MTG2: variants seen among roughly 807,000 people sequenced by gnomAD.
MTG2 encodes mitochondrial ribosome associated GTPase 2, also known as mitochondrial ribosome-associated GTPase 2.
MTG2 carries 23 observed loss-of-function variants against 28.6 expected under a neutral mutation model. That is an observed-to-expected ratio of 0.80 (90% CI 0.58 to 1.14). The LOEUF (loss-of-function observed/expected upper bound fraction) is 1.14. Among genes scored for constraint, MTG2 ranks in the 50% most tolerant of loss-of-function variants. The pLI is 0.00. For synonymous variants in MTG2, 260 were observed against 251.8 expected (o/e 1.03, Z -0.31); for missense variants, 539 against 552.0 (o/e 0.98, Z 0.24).
At chr20:62,193,013 C>T (rs1298464830) in intron 1 of MTG2, among the ~76,000 whole-genome samples, 1 of 152,230 alleles carries the variant, frequency 6.6e-6, no homozygotes, top group Non-Finnish European at 1.5e-5. Flanking sequence ...AATGTAACAA[C>T]TTTAAAATTA....
chr20:62,198,358 C>G (rs1019483353), intron 4 of MTG2: 12 of 557,680 alleles, frequency 2.2e-5, no homozygotes, highest in Admixed American at 1.8e-4. Context: ...GATGTTTTTT[C>G]TGGTGCTTCA....
intron 6 of MTG2, 30 bp downstream of exon 6, chr20:62,199,287 A>G: frequency 1.9e-6 from 3 of 1,596,420 alleles, no homozygotes; most frequent in Non-Finnish European, 2.6e-6. Context: ...CCCAAAGGTT[A>G]GATTTAAATG....
intron 1 of MTG2, among the ~76,000 whole-genome samples, chr20:62,187,264 T>C (rs2057867723): frequency 6.6e-6 from 1 of 152,230 alleles, no homozygotes; most frequent in Non-Finnish European, 1.5e-5. Flanking sequence ...AATATTTTGT[T>C]AAGAGTTATT....
At chr20:62,193,715 TTGA>T in intron 2 of MTG2, 91 bp downstream of exon 2, 1 of 1,156,224 alleles carries the variant, frequency 8.6e-7, no homozygotes, top group Non-Finnish European at 1.2e-6. Context: ...CTCATCTCTG[TTGA>T]TGTTAGTTGA....
intron 1 of MTG2, among the ~76,000 whole-genome samples, chr20:62,191,773 G>C (rs2057965135): frequency 6.6e-6 from 1 of 152,162 alleles, no homozygotes; most frequent in South Asian, 2.1e-4. Context: ...CTGAAGACTG[G>C]GGAGCTCTGG....
intron 3 of MTG2, chr20:62,197,633 A>G (rs752273601): frequency 7.6e-6 from 4 of 529,296 alleles, no homozygotes; most frequent in Non-Finnish European, 1.4e-5. Flanking sequence ...ACTGTAAAAA[A>G]TAAGAAATTT....
chr20:62,195,810 C>A lies in MTG2; in HGVS notation c.213C>A (p.Tyr71Ter). The change falls in exon 3 of 7, where the codon TAC (tyrosine) becomes TAA (stop). Residue 71 changes from tyrosine to a stop codon, truncating the protein, a stop_gained. Coordinates refer to ENST00000370823, the MANE Select transcript of MTG2 (RefSeq NM_015666.4). LOFTEE classifies it high-confidence loss of function. Reference sequence around the variant, plus strand: ...ATTTGTGTTCTCTGTAGAAAAGGTACTTTGTGGACTATCGGAGAGTGCTTG... The same window carrying A: ...ATTTGTGTTCTCTGTAGAAAAGGTAATTTGTGGACTATCGGAGAGTGCTTG... ...KLLSEKKLKR[Y>*]FVDYRRVLVC... The A allele has an allele frequency of 6.2e-7, 1 of 1,614,136 alleles. No homozygotes were observed. Among genetic ancestry groups the A allele is most frequent in the Non-Finnish European group, 8.5e-7 (1 of 1,180,026 alleles).
At chr20:62,186,612 T>A (rs1296376863) in intron 1 of MTG2, among the ~76,000 whole-genome samples, 1 of 149,074 alleles carries the variant, frequency 6.7e-6, no homozygotes, top group African/African-American at 2.5e-5. Flanking sequence ...CACGGCAGCG[T>A]CTGCCTCCCA....
At chr20:62,186,438 G>A (rs1180367187) in intron 1 of MTG2, among the ~76,000 whole-genome samples, 2 of 151,786 alleles carry the variant, frequency 1.3e-5, no homozygotes, top group Non-Finnish European at 2.9e-5. Context: ...AGTTGTTTGC[G>A]GCTGGTATTT....
In MTG2 at chr20:62,197,916, TGGAG is replaced by T; in HGVS notation, c.422_425del (p.Gly141ValfsTer22). On this transcript the variant is annotated frameshift_variant, in exon 4 of 7. Transcript: ENST00000370823. LOFTEE classifies it high-confidence loss of function. ...GGTACCAGGGTTTCAGTGGAGAAGA[TGGAG>T]GGAGTAAAAACTGCTTCGGGCGCAG... 1.2e-6 allele frequency: 2 copies of T among 1,614,192 alleles called. No individual in the cohort carries two copies. Among genetic ancestry groups the T allele is most frequent in the Non-Finnish European group, 1.7e-6 (2 of 1,180,028 alleles).
chr20:62,194,586 A>T (rs980317576), intron 2 of MTG2, among the ~76,000 whole-genome samples: 1 of 151,940 alleles, frequency 6.6e-6, no homozygotes, highest in Admixed American at 6.6e-5. Context: ...AAATTTTTAA[A>T]TTTTTTTTTG....
chr20:62,192,199 C>T (rs890351456), intron 1 of MTG2, among the ~76,000 whole-genome samples: 1 of 152,218 alleles, frequency 6.6e-6, no homozygotes, highest in African/African-American at 2.4e-5. Flanking sequence ...CCCTGGGGTA[C>T]CCACACTTCT....
chr20:62,198,340 G>A (rs1484454697), intron 4 of MTG2: 6 of 542,546 alleles, frequency 1.1e-5, no homozygotes, highest in South Asian at 6.5e-5. Flanking sequence ...GAATTCACTC[G>A]TCTCTTAGAT....
At position 62,199,132 on chromosome 20, in the gene MTG2, A is replaced by T; in HGVS notation, c.701A>T (p.Asn234Ile). 6.2e-7 allele frequency: 1 copy of T among 1,613,908 alleles called. No homozygotes were observed. Among genetic ancestry groups the T allele is most frequent in the Non-Finnish European group, 8.5e-7 (1 of 1,179,964 alleles). Residue 234 changes from asparagine to isoleucine, a missense_variant, in exon 6 of 7, where the codon AAC becomes ATC. Physicochemically the swap from Asn to Ile is moderately radical, Grantham distance 149. Coordinates refer to ENST00000370823, the MANE Select transcript of MTG2 (RefSeq NM_015666.4). ...TCTTTCCCCCAGGTGGGATTCCCCA[A>T]CGCCGGGAAGTCCTCACTGCTCCGG... is the stretch of plus-strand genomic sequence containing the variant. The part of the protein sequence containing the change: ...VAHAGMVGFP[N>I]AGKSSLLRAI...
chr20:62,193,789 C>A, intron 2 of MTG2, 165 bp downstream of exon 2: 1 of 701,156 alleles, frequency 1.4e-6, no homozygotes, highest in Non-Finnish European at 2.3e-6. Flanking sequence ...CGCAGGCCTG[C>A]GTGCTAAATC....
Position 62,199,159 on chromosome 20 carries a change from C to T in MTG2, c.728C>T (p.Ala243Val), listed in dbSNP as rs760417278. The stretch of plus-strand genomic sequence containing the variant: ...GCCGGGAAGTCCTCACTGCTCCGGG[C>T]CATTTCAAACGCCAGACCCGCCGTG... ...PNAGKSSLLR[A>V]ISNARPAVAS... The change falls in exon 6 of 7, where the codon GCC becomes GTC. Residue 243 changes from alanine (A) to valine (V), a missense_variant. Transcript: ENST00000370823. 2 of 1,614,164 alleles carry T rather than the reference C, an allele frequency of 1.2e-6. No homozygotes were observed. Among genetic ancestry groups the T allele is most frequent in the South Asian group, 1.1e-5 (1 of 91,090 alleles).
intron 1 of MTG2, among the ~76,000 whole-genome samples, chr20:62,185,442 A>AT (rs375944895): frequency 0.19 from 29,025 of 151,538 alleles, 3,091 homozygotes; most frequent in African/African-American, 0.28. Flanking sequence ...TAAAAAATAA[A>AT]ATATATACAC....
intron 1 of MTG2, among the ~76,000 whole-genome samples, chr20:62,185,074 C>T (rs2057812988): frequency 6.6e-6 from 1 of 151,994 alleles, no homozygotes; most frequent in South Asian, 2.1e-4. Flanking sequence ...CCCACCATTG[C>T]TCTCCAACCT....
At chr20:62,190,740 C>T (rs760700117) in intron 1 of MTG2, among the ~76,000 whole-genome samples, 27 of 152,350 alleles carry the variant, frequency 1.8e-4, no homozygotes, top group Middle Eastern at 6.8e-3. Context: ...CAGTTAGTAG[C>T]GGTGCAGCGG....
Sources: gnomAD v4.1 joint callset for allele counts (sites outside exome capture counted in the v4.1 genomes callset) on GRCh38, gnomAD v4.1.1 for gene constraint, MANE v1.5 for transcripts, NCBI Gene and HGNC (gene_info 2026-07-23, HGNC 2026-07-21) for gene names.